Variants in ADAM10 observed in about 807,000 individuals in gnomAD.
ADAM10 encodes the protein disintegrin and metalloproteinase domain-containing protein 10.
ADAM10 carries 17 observed loss-of-function variants against 90.1 expected under a neutral mutation model. The ratio of observed to expected loss-of-function variants is 0.19; its 90% CI spans 0.13 to 0.28. ADAM10 has a LOEUF of 0.28. Ranked by LOEUF, ADAM10 falls within the 10% of genes least tolerant of loss-of-function variation. The pLI is 1.00. For missense variants in ADAM10, 610 were observed against 914.3 expected (o/e 0.67, Z 4.29); for synonymous variants, 310 against 298.6 (o/e 1.04, Z -0.40).
In ADAM10 at chr15:58,640,828, G is replaced by A; in HGVS notation, c.961C>T (p.Arg321Ter). 1.2e-6 allele frequency: 2 copies of A among 1,614,018 alleles called. No homozygotes were observed. Among genetic ancestry groups the A allele is most frequent in the Non-Finnish European group, 1.7e-6 (2 of 1,179,990 alleles). Residue 321 changes from arginine (R) to a stop codon, truncating the protein, a stop_gained, in exon 8 of 16, where the codon CGA becomes TGA. Coordinates refer to ENST00000260408, the MANE Select transcript of ADAM10 (RefSeq NM_001110.4). LOFTEE classifies it high-confidence loss of function. ...DYCLAYVFTD[R>*]DFDDGVLGLA... ...CCAAGTACGCCATCATCAAAATCTC[G>A]GTCTGTGAAGACATAGGCCAAACAG...
chr15:58,685,507 GTACGT>G (rs1236055221), intron 2 of ADAM10, among the ~76,000 whole-genome samples: 2 of 138,742 alleles, frequency 1.4e-5, no homozygotes, highest in African/African-American at 5.3e-5. Flanking sequence ...AAAGAATATA[GTACGT>G]TACCTTTTTT....
intron 2 of ADAM10, among the ~76,000 whole-genome samples, chr15:58,701,871 C>T (rs933475830): frequency 5.9e-5 from 9 of 152,004 alleles, no homozygotes; most frequent in African/African-American, 1.9e-4. Context: ...TTTGGGAGGA[C>T]GAGGTGGGCG....
intron 2 of ADAM10, among the ~76,000 whole-genome samples, chr15:58,701,093 C>T (rs986010931): frequency 6.9e-6 from 1 of 144,080 alleles, no homozygotes; most frequent in African/African-American, 2.5e-5. Flanking sequence ...TAAACAAAAC[C>T]AAGTTTTTTT....
chr15:58,601,539 T>C (rs1446138618), intron 14 of ADAM10, among the ~76,000 whole-genome samples: 1 of 152,116 alleles, frequency 6.6e-6, no homozygotes, highest in African/African-American at 2.4e-5. Flanking sequence ...GCTAGCACCA[T>C]GCTGTTACTC....
intron 2 of ADAM10, among the ~76,000 whole-genome samples, chr15:58,715,238 A>G (rs1026975891): frequency 4.6e-5 from 7 of 152,018 alleles, no homozygotes; most frequent in Admixed American, 1.3e-4. Flanking sequence ...CCTGGCCAAC[A>G]TGGTGAAACC....
chr15:58,640,930 T>G lies in ADAM10; in HGVS notation c.859A>C (p.Thr287Pro), dbSNP rs199785432. 1 of 1,614,138 alleles carries G rather than the reference T, an allele frequency of 6.2e-7. No individual in the cohort carries two copies. The highest frequency in any genetic ancestry group is 8.5e-7 in the Non-Finnish European group (1 of 1,179,976). ...INTTADEKDP[T>P]NPFRFPNIGV... ...ATATTTGGGAAACGGAAAGGATTTG[T>G]AGGGTCCTTCTCATCAGCAGTTGTA... The change falls in exon 8 of 16, where the codon ACA becomes CCA. Residue 287 changes from threonine to proline, a missense_variant. Physicochemically the swap from Thr to Pro is conservative, Grantham distance 38. Transcript: ENST00000260408.
rs1476065624 is a variant in ADAM10 at position 58,624,284 on chromosome 15, C to CA, written c.1361-2664dup. On this transcript the variant is annotated intron_variant, in intron 10 of 15. Coordinates refer to ENST00000260408, the MANE Select transcript of ADAM10 (RefSeq NM_001110.4). ...CTGGTGACAGAGCGAGACTCTGTCT[C>CA]AAAAAAAAAGCAAAAACAAAAACAA... Among the ~76,000 whole-genome samples the CA allele has an allele frequency of 1.7e-4, 25 of 145,628 alleles. 1 individual carries two copies. The highest frequency in any genetic ancestry group is 8.7e-4 in the South Asian group (4 of 4,582).
At chr15:58,611,741 A>T in intron 12 of ADAM10, 67 bp downstream of exon 12, 2 of 1,445,494 alleles carry the variant, frequency 1.4e-6, no homozygotes, top group Non-Finnish European at 1.9e-6. Context: ...AGCTTTAAGC[A>T]TCAATAATTC....
chr15:58,702,079 C>T (rs1331846100), intron 2 of ADAM10, among the ~76,000 whole-genome samples: 4 of 152,020 alleles, frequency 2.6e-5, no homozygotes, highest in Non-Finnish European at 4.4e-5. Flanking sequence ...GCACTCCAGA[C>T]TGGGCAACAG....
chr15:58,627,086 T>C (rs191523672), intron 10 of ADAM10, among the ~76,000 whole-genome samples: 7 of 152,272 alleles, frequency 4.6e-5, no homozygotes, highest in South Asian at 2.1e-4. Context: ...GACATATTCA[T>C]ACAACGTAAT....
In ADAM10 at chr15:58,673,892, G is replaced by A. The variant is rs138380768; in HGVS notation, c.484+5232C>T. ...TGGGACTACAGGCGCCTGCCACCAC[G>A]CCCGGCTAACTTTTTGTATTTTTAG... On this transcript the variant is annotated intron_variant, in intron 4 of 15. Transcript: ENST00000260408. 6.5e-4 allele frequency among the ~76,000 whole-genome samples: 99 copies of A among 151,970 alleles called. 1 individual carries two copies. The East Asian group carries it at 0.018, about 27-fold the overall frequency.
At chr15:58,664,099 C>A (rs762015767) in intron 5 of ADAM10, among the ~76,000 whole-genome samples, 1 of 152,040 alleles carries the variant, frequency 6.6e-6, no homozygotes, top group Non-Finnish European at 1.5e-5. Context: ...GTCTCCTTGG[C>A]CTTTGTATGT....
chr15:58,629,759 A>G (rs1487422014), intron 9 of ADAM10, among the ~76,000 whole-genome samples: 8 of 151,496 alleles, frequency 5.3e-5, no homozygotes, highest in African/African-American at 2.0e-4. Flanking sequence ...AATTTGGACT[A>G]TACCATGTGT....
At chr15:58,688,506 A>T (rs1389518411) in intron 2 of ADAM10, among the ~76,000 whole-genome samples, 1 of 152,028 alleles carries the variant, frequency 6.6e-6, no homozygotes. Flanking sequence ...GACAAAGAAG[A>T]AGAAAATTAG....
At chr15:58,691,221 T>C in intron 2 of ADAM10, 1 of 840,520 alleles carries the variant, frequency 1.2e-6, no homozygotes, top group Non-Finnish European at 2.1e-6. Context: ...GTTCTCAAAC[T>C]TTACGTTGCT....
intron 1 of ADAM10, among the ~76,000 whole-genome samples, chr15:58,743,860 A>G (rs1305832841): frequency 2.0e-5 from 3 of 152,194 alleles, no homozygotes; most frequent in Non-Finnish European, 4.4e-5. Flanking sequence ...CGCCTGCCTC[A>G]GCCTCCCAAA....
At chr15:58,658,247 TC>T (rs1191419622) in intron 5 of ADAM10, among the ~76,000 whole-genome samples, 1 of 152,192 alleles carries the variant, frequency 6.6e-6, no homozygotes, top group Non-Finnish European at 1.5e-5. Flanking sequence ...ATCCAATTGT[TC>T]CAGTACCATT....
chr15:58,696,901 C>T (rs1406634267), intron 2 of ADAM10, among the ~76,000 whole-genome samples: 1 of 152,138 alleles, frequency 6.6e-6, no homozygotes, highest in Non-Finnish European at 1.5e-5. Flanking sequence ...GTTTTGAGAG[C>T]CCAGCCCCAA....
intron 10 of ADAM10, among the ~76,000 whole-genome samples, chr15:58,623,524 G>C (rs1033292904): frequency 5.9e-5 from 9 of 152,160 alleles, no homozygotes; most frequent in African/African-American, 2.2e-4. Context: ...AAAACCAGAA[G>C]CATGCACTAT....
Sources: gnomAD v4.1 joint callset for allele counts (sites outside exome capture counted in the v4.1 genomes callset) on GRCh38, gnomAD v4.1.1 for gene constraint, MANE v1.5 for transcripts, NCBI Gene and HGNC (gene_info 2026-07-23, HGNC 2026-07-21) for gene names.